BSDC1: variants seen among roughly 807,000 people sequenced by gnomAD.
The protein encoded by BSDC1 is BSD domain containing 1, also known as BSD domain-containing protein 1.
A neutral mutation model predicts 56.0 loss-of-function variants in BSDC1; 29 were observed. The ratio of observed to expected loss-of-function variants is 0.52; its 90% confidence interval spans 0.39 to 0.71. The LOEUF (loss-of-function observed/expected upper bound fraction) is 0.71, where lower values mean the gene tolerates loss of function less well. Ranked by LOEUF, BSDC1 falls within the 30% of genes least tolerant of loss-of-function variation. The pLI is 0.00. For synonymous variants in BSDC1, 210 were observed against 215.3 expected, an observed-to-expected ratio of 0.98 and a Z score of 0.21; for missense variants, 477 against 548.5, an observed-to-expected ratio of 0.87 and a Z score of 1.30.
At chr1:32,389,972 CAAAA>C (rs386366640) in intron 2 of BSDC1, among the ~76,000 whole-genome samples, 8 of 73,092 alleles carry the variant, frequency 1.1e-4, no homozygotes, top group Admixed American at 1.4e-4. Context: ...GACCCTGTCT[CAAAA>C]AAAAAAAAAA....
At chr1:32,380,811 T>C (rs1165000600) in intron 5 of BSDC1, among the ~76,000 whole-genome samples, 1 of 152,214 alleles carries the variant, frequency 6.6e-6, no homozygotes, top group Non-Finnish European at 1.5e-5. Flanking sequence ...CTGTTTCTGC[T>C]TTCCCCCTCT....
rs200234101 is a variant in BSDC1, at chr1:32,377,936, TGA to T, written c.676+32_676+33del. 10,007 of 1,588,814 alleles carry T rather than the reference TGA, an allele frequency of 6.3e-3. 90 individuals carry two copies. Among genetic ancestry groups the T allele is most frequent in the South Asian group, 0.026 (2,285 of 86,406 alleles). Reference sequence around the variant, plus strand: ...CAGCCCAGAGCGTCCCGCACAGATGTGACACTTGCCCCTCACCTCTCAACGCC... The same window carrying T: ...CAGCCCAGAGCGTCCCGCACAGATGTCACTTGCCCCTCACCTCTCAACGCC... On this transcript the variant is annotated intron_variant, in intron 8 of 10. Transcript: ENST00000455895.
rs576928164 is a variant in BSDC1, at chr1:32,366,249, G to A, written c.*373C>T. ...GTCTCAGCTTCCTCCGAGAGAGACT[G>A]GTGGTTTAGCTTCTGTCTACACAGG... On this transcript the variant is annotated 3_prime_UTR_variant, in exon 11 of 11. Transcript: ENST00000455895. 5 of 402,806 alleles carry A rather than the reference G, an allele frequency of 1.2e-5. No individual in the cohort carries two copies. Among genetic ancestry groups the A allele is most frequent in the South Asian group, 1.2e-4 (5 of 43,330 alleles). 25.0% of individuals were successfully genotyped at this position (402,806 alleles called of 1,614,324 possible).
intron 5 of BSDC1, among the ~76,000 whole-genome samples, chr1:32,380,315 C>G (rs1169948480): frequency 3.9e-5 from 6 of 152,198 alleles, no homozygotes; most frequent in Non-Finnish European, 8.8e-5. Context: ...CCCGACTTCT[C>G]ATAGTGAAAC....
At chr1:32,369,317 A>T (rs923865026) in intron 9 of BSDC1, 13 of 1,289,304 alleles carry the variant, frequency 1.0e-5, no homozygotes, top group Non-Finnish European at 1.3e-5. Context: ...GAGGAAATCA[A>T]CAGTGAACTG....
chr1:32,394,267 C>T, intron 1 of BSDC1, 127 bp from the exon 2 acceptor site: 2 of 1,557,848 alleles, frequency 1.3e-6, no homozygotes, highest in Non-Finnish European at 1.8e-6. Flanking sequence ...CACCCCCTCA[C>T]AATGCGACTC....
At chr1:32,374,329 T>C (rs1050294509) in intron 9 of BSDC1, among the ~76,000 whole-genome samples, 4 of 152,240 alleles carry the variant, frequency 2.6e-5, no homozygotes, top group Non-Finnish European at 5.9e-5. Flanking sequence ...ATCCCGTTTA[T>C]GGAGGAGCAA....
chr1:32,389,138 T>C (rs1262297725), intron 2 of BSDC1, among the ~76,000 whole-genome samples: 1 of 152,080 alleles, frequency 6.6e-6, no homozygotes, highest in African/African-American at 2.4e-5. Context: ...GTATTTTTAG[T>C]AGAGACGGGA....
At position 32,378,069 on chromosome 1, in the gene BSDC1, G is replaced by A. The variant is rs1369366597; in HGVS notation, c.598-21C>T. ...TGCTCCTGAATGTGGGGGAGCAGAA[G>A]GCCACAGGCAGTCAGGGCACCCTCT... is the stretch of plus-strand genomic sequence containing the variant. On this transcript the variant is annotated intron_variant, in intron 7 of 10. Transcript: ENST00000455895. This position sits in a 1 kb window ranked among gnomAD's most constrained non-coding sequence, Gnocchi z 5.2. 3 of 1,602,548 alleles carry A rather than the reference G, an allele frequency of 1.9e-6. No individual in the cohort carries two copies. Among genetic ancestry groups the A allele is most frequent in the Non-Finnish European group, 2.6e-6 (3 of 1,173,324 alleles).
intron 2 of BSDC1, among the ~76,000 whole-genome samples, chr1:32,387,377 C>T (rs549509820): frequency 3.3e-5 from 5 of 151,000 alleles, no homozygotes; most frequent in Admixed American, 2.0e-4. Flanking sequence ...GTCTCGCTCT[C>T]GTTGCCCAGG....
chr1:32,371,057 T>TA (rs1642062872), intron 9 of BSDC1, among the ~76,000 whole-genome samples: 2 of 152,016 alleles, frequency 1.3e-5, no homozygotes, highest in Admixed American at 1.3e-4. Flanking sequence ...TATGACTTCT[T>TA]ACAGGTAATA....
chr1:32,366,352 G>A lies in BSDC1; in HGVS notation c.*270C>T. 1 of 656,358 alleles carries A rather than the reference G, an allele frequency of 1.5e-6. No individual in the cohort carries two copies. Among genetic ancestry groups the A allele is most frequent in the South Asian group, 1.6e-5 (1 of 63,804 alleles). The allele number at this position is 656,358 out of a possible 1,614,324, so 40.7% of individuals were successfully genotyped here. On this transcript the variant is annotated 3_prime_UTR_variant, in exon 11 of 11. Coordinates refer to ENST00000455895, the MANE Select transcript of BSDC1 (RefSeq NM_018045.8). ...AGTGGGTGTTCAGCAGAAAAACACA[G>A]GCTCTTCTGGTGAGGAGGATAGGTT...
chr1:32,392,542 G>A (rs1045816379), intron 2 of BSDC1, among the ~76,000 whole-genome samples: 1 of 151,976 alleles, frequency 6.6e-6, no homozygotes, highest in Non-Finnish European at 1.5e-5. Context: ...CCAACCTTGA[G>A]ACAAACACAG....
At chr1:32,391,551 CTTCT>C (rs1318762167) in intron 2 of BSDC1, among the ~76,000 whole-genome samples, 3 of 150,276 alleles carry the variant, frequency 2.0e-5, no homozygotes, top group African/African-American at 7.6e-5. Flanking sequence ...TTTTTAATTT[CTTCT>C]TTCTGGTAAG....
At chr1:32,377,890 C>A in intron 8 of BSDC1, 80 bp downstream of exon 8, 1 of 1,394,934 alleles carries the variant, frequency 7.2e-7, no homozygotes, top group Non-Finnish European at 9.8e-7. Flanking sequence ...CAAGTCTCTC[C>A]AGGCTTCAGA....
At chr1:32,394,250 G>A in intron 1 of BSDC1, 110 bp from the exon 2 acceptor site, 2 of 1,549,188 alleles carry the variant, frequency 1.3e-6, no homozygotes, top group South Asian at 1.1e-5. Context: ...TTCGCAGACC[G>A]CTTGCCCACC....
intron 8 of BSDC1, 152 bp from the exon 9 acceptor site, chr1:32,376,893 G>A: frequency 1.1e-6 from 1 of 927,230 alleles, no homozygotes; most frequent in Non-Finnish European, 1.4e-6. Context: ...CACTTTGGGA[G>A]GATGAGGCGG....
chr1:32,382,919 C>T (rs370661504), intron 4 of BSDC1, among the ~76,000 whole-genome samples: 15 of 146,034 alleles, frequency 1.0e-4, no homozygotes, highest in Non-Finnish European at 2.0e-4. Flanking sequence ...AGCAAAAATA[C>T]GCTACTGTGG....
intron 10 of BSDC1, chr1:32,368,032 C>CT (rs74259836): frequency 0.18 from 154,169 of 843,520 alleles, 76 homozygotes; most frequent in Non-Finnish European, 0.2. Context: ...TTCTTTTTTC[C>CT]TTTTTTTTTT....
Sources: allele counts gnomAD v4.1 joint callset (sites outside exome capture counted in the v4.1 genomes callset), GRCh38; gene constraint gnomAD v4.1.1; non-coding constraint Gnocchi (gnomAD v3.1); transcripts MANE v1.5; gene names NCBI Gene and HGNC (gene_info 2026-07-23, HGNC 2026-07-21).